The following TLE3 variants were observed in gnomAD, a reference collection of about 807,000 sequenced individuals.
TLE3 encodes the protein transducin-like enhancer protein 3.
TLE3 carries 14 observed loss-of-function variants against 93.0 expected under a neutral mutation model. The ratio of observed to expected loss-of-function variants is 0.15; its 90% CI spans 0.10 to 0.24. The LOEUF (loss-of-function observed/expected upper bound fraction) is 0.24. Among genes scored for constraint, TLE3 ranks in the 10% least tolerant of loss-of-function variants. The probability of loss-of-function intolerance (pLI) is 1.00; values close to 1 mark genes in which losing one functional copy is unlikely to be tolerated. For synonymous variants in TLE3, 451 were observed against 425.0 expected (o/e 1.06, Z -0.75); for missense variants, 693 against 1,046.6 (o/e 0.66, Z 4.66).
Position 70,090,533 on chromosome 15 carries a change from C to T in TLE3, c.234+3999G>A, listed in dbSNP as rs543598319. ...GGCCACCTGTACCTTGCACCTTCAC[C>T]GTGGTCACAAAACTTCTGTGTGCCT... On this transcript the variant is annotated intron_variant, in intron 4 of 19. Transcript: ENST00000451782. 3.3e-5 allele frequency among the ~76,000 whole-genome samples: 5 copies of T among 152,240 alleles called. No homozygotes were observed. In the East Asian group the frequency reaches 5.8e-4, roughly 18 times the overall value.
chr15:70,075,390 A>C (rs1292870215), intron 5 of TLE3, among the ~76,000 whole-genome samples: 1 of 152,268 alleles, frequency 6.6e-6, no homozygotes, highest in African/African-American at 2.4e-5. Flanking sequence ...CCACATACAC[A>C]GCTTTCTCTC....
intron 4 of TLE3, among the ~76,000 whole-genome samples, chr15:70,092,268 C>T (rs1159023758): frequency 6.6e-6 from 1 of 152,210 alleles, no homozygotes; most frequent in Admixed American, 6.5e-5. Context: ...TCCATTAGAT[C>T]AGGGTTGCAT....
At chr15:70,050,433 C>T (rs2055416412) in intron 19 of TLE3, 1 of 457,574 alleles carries the variant, frequency 2.2e-6, no homozygotes, top group East Asian at 3.9e-5. Flanking sequence ...CTCCCACCTG[C>T]TTTTCCATAA....
In TLE3 at chr15:70,097,858, C is replaced by G. The variant is rs1055934644; in HGVS notation, c.-1060G>C. ...CGGACCTACGGATACCACACACAGA[C>G]AGGCGAAGGGGACGAGCACGAGGTC... is the stretch of plus-strand genomic sequence containing the variant. On this transcript the variant is annotated 5_prime_UTR_variant, in exon 1 of 20. Transcript: ENST00000451782. The G allele has an allele frequency of 5.9e-6, 2 of 336,882 alleles. No individual in the cohort carries two copies. The highest frequency in any genetic ancestry group is 1.1e-5 in the Non-Finnish European group (2 of 187,264). The allele number at this position is 336,882 out of a possible 1,614,324, so 20.9% of individuals were successfully genotyped here.
intron 4 of TLE3, among the ~76,000 whole-genome samples, chr15:70,088,610 C>A (rs1253827477): frequency 6.6e-6 from 1 of 152,138 alleles, no homozygotes; most frequent in East Asian, 1.9e-4. Context: ...GTGCTTTCAG[C>A]TGTCTAGCAC....
At chr15:70,086,484 A>G (rs2058042532) in intron 4 of TLE3, among the ~76,000 whole-genome samples, 1 of 152,166 alleles carries the variant, frequency 6.6e-6, no homozygotes, top group Non-Finnish European at 1.5e-5. Flanking sequence ...TCAAGTCTTC[A>G]TGGCTGACCA....
rs1297051056 is a variant in TLE3, at chr15:70,053,393, G to A, written c.1827-19C>T. ...GAACTGCCTACGAAAGCCAAGCAGG[G>A]AGGAGGGTGAGTCCCGGGAACCACA... On this transcript the variant is annotated intron_variant, in intron 16 of 19. Transcript: ENST00000451782. The A allele has an allele frequency of 6.3e-7, 1 of 1,589,022 alleles. No individual in the cohort carries two copies. Among genetic ancestry groups the A allele is most frequent in the Non-Finnish European group, 8.6e-7 (1 of 1,163,142 alleles).
intron 4 of TLE3, among the ~76,000 whole-genome samples, chr15:70,090,140 TC>T (rs757598982): frequency 4.3e-4 from 65 of 152,176 alleles, no homozygotes; most frequent in Non-Finnish European, 7.4e-4. Flanking sequence ...TGGGGCAACC[TC>T]CCTCTAGCTA....
chr15:70,094,472 A>G (rs372002227), intron 4 of TLE3, 60 bp downstream of exon 4: 1 of 1,264,412 alleles, frequency 7.9e-7, no homozygotes, highest in Admixed American at 2.5e-5. Flanking sequence ...GAACATAAGA[A>G]GTCCACATAT....
chr15:70,087,446 C>G (rs945208593), intron 4 of TLE3, among the ~76,000 whole-genome samples: 9 of 152,192 alleles, frequency 5.9e-5, no homozygotes, highest in Non-Finnish European at 1.3e-4. Context: ...TCTAAGAGGC[C>G]GTAGCATTAT....
intron 4 of TLE3, among the ~76,000 whole-genome samples, chr15:70,090,409 A>AC (rs1297953214): frequency 6.6e-6 from 1 of 152,088 alleles, no homozygotes; most frequent in Non-Finnish European, 1.5e-5. Context: ...AGGACCTTTG[A>AC]CCCCTTCTAC....
At chr15:70,054,734 G>A in intron 15 of TLE3, 49 bp from the exon 16 acceptor site, 1 of 1,508,246 alleles carries the variant, frequency 6.6e-7, no homozygotes, top group Non-Finnish European at 8.9e-7. Context: ...CCCCTCCTGG[G>A]CACCAGGAGA....
chr15:70,081,816 T>C (rs1332069018), intron 4 of TLE3, among the ~76,000 whole-genome samples: 3 of 152,156 alleles, frequency 2.0e-5, no homozygotes, highest in Non-Finnish European at 2.9e-5. Flanking sequence ...ACCTGCCCAT[T>C]TGAAAGGTGA....
At chr15:70,089,491 C>A (rs564135730) in intron 4 of TLE3, among the ~76,000 whole-genome samples, 1 of 152,148 alleles carries the variant, frequency 6.6e-6, no homozygotes, top group Non-Finnish European at 1.5e-5. Flanking sequence ...GCAGAGCGGG[C>A]GGCCAGCCCA....
intron 6 of TLE3, among the ~76,000 whole-genome samples, chr15:70,070,730 G>A (rs561783338): frequency 2.7e-4 from 41 of 152,286 alleles, no homozygotes; most frequent in African/African-American, 9.4e-4. Flanking sequence ...CAAACTCAGC[G>A]TTACCTCCTT....
In TLE3 at chr15:70,096,160, C is replaced by A; in HGVS notation, c.125+1G>T. 1 of 1,553,802 alleles carries A rather than the reference C, an allele frequency of 6.4e-7. No individual in the cohort carries two copies. Among genetic ancestry groups the A allele is most frequent in the Non-Finnish European group, 8.7e-7 (1 of 1,148,348 alleles). On this transcript the variant is annotated splice_donor_variant, in intron 2 of 19. Transcript: ENST00000451782. LOFTEE classifies it high-confidence loss of function. ...CCCGGGGCGGCCCCCACCGGCCTTA[C>A]CTGTGATACTGAGCTTGCAGGAACT... is the stretch of plus-strand genomic sequence containing the variant.
intron 6 of TLE3, chr15:70,066,852 A>T (rs1372827879): frequency 3.2e-6 from 1 of 313,962 alleles, no homozygotes; most frequent in East Asian, 9.7e-5. Context: ...AACTAGACAG[A>T]ACAGGATTGA....
chr15:70,061,733 TGCCCTGGGTCA>T (rs2056487723), intron 8 of TLE3, among the ~76,000 whole-genome samples: 1 of 152,196 alleles, frequency 6.6e-6, no homozygotes, highest in Admixed American at 6.5e-5. Flanking sequence ...TCCGAGCAGC[TGCCCTGGGTCA>T]GCCCTGGTGC....
Position 70,066,093 on chromosome 15 carries a change from C to A in TLE3, c.498G>T (p.Leu166=). The part of the protein sequence containing the change: ...IPPVTGSSSG[L]LALGALGSQA... Reference sequence around the variant, plus strand: ...GGCTGCCCAGGGCGCCCAGTGCCAGCAGCCCGGAGCTGCTCCCTGTCACTG... The same window carrying A: ...GGCTGCCCAGGGCGCCCAGTGCCAGAAGCCCGGAGCTGCTCCCTGTCACTG... Residue 166 remains leucine, a synonymous_variant, in exon 7 of 20, where the codon CTG becomes CTT. Coordinates refer to ENST00000451782, the MANE Select transcript of TLE3 (RefSeq NM_001105192.3). 1 of 1,587,960 alleles carries A rather than the reference C, an allele frequency of 6.3e-7. No homozygotes were observed. The highest frequency in any genetic ancestry group is 1.2e-5 in the South Asian group (1 of 86,914).
Sources: gnomAD v4.1 joint callset for allele counts (sites outside exome capture counted in the v4.1 genomes callset) on GRCh38, gnomAD v4.1.1 for gene constraint, MANE v1.5 for transcripts, NCBI Gene and HGNC (gene_info 2026-07-23, HGNC 2026-07-21) for gene names.